CALCRL: variants seen among roughly 807,000 people sequenced by gnomAD.
CALCRL encodes calcitonin receptor like receptor, also known as calcitonin gene-related peptide type 1 receptor.
Under a neutral mutation model 60.4 loss-of-function variants are expected in CALCRL, and 27 were observed. The observed-to-expected ratio is 0.45, with a 90% CI of 0.33 to 0.62. CALCRL has a LOEUF of 0.62. CALCRL is among the 20% of genes least tolerant of loss of function. CALCRL has a pLI of 0.03. For synonymous variants in CALCRL, 190 were observed against 182.6 expected, an observed-to-expected ratio of 1.04 and a Z score of -0.33; for missense variants, 424 against 540.7, an observed-to-expected ratio of 0.78 and a Z score of 2.14.
intron 1 of CALCRL, among the ~76,000 whole-genome samples, chr2:187,401,333 C>T (rs1016614048): frequency 2.0e-5 from 3 of 151,628 alleles, no homozygotes; most frequent in Admixed American, 6.6e-5. Context: ...AAAGAACCTG[C>T]CTAGCTAACA....
intron 1 of CALCRL, among the ~76,000 whole-genome samples, chr2:187,435,353 GAACT>G (rs1447771638): frequency 6.6e-6 from 1 of 152,158 alleles, no homozygotes; most frequent in Non-Finnish European, 1.5e-5. Context: ...GACTTTGTGT[GAACT>G]AACTAAGCGA....
intron 1 of CALCRL, among the ~76,000 whole-genome samples, chr2:187,419,046 T>C (rs1689752173): frequency 9.7e-6 from 1 of 102,870 alleles, no homozygotes; most frequent in African/African-American, 3.6e-5. Flanking sequence ...TTTTTTTTTT[T>C]TGGTATTTTA....
intron 4 of CALCRL, among the ~76,000 whole-genome samples, chr2:187,384,275 A>G (rs1164837578): frequency 1.3e-5 from 2 of 152,216 alleles, no homozygotes; most frequent in Non-Finnish European, 2.9e-5. Flanking sequence ...AGTGCTACAC[A>G]AGTAATACAT....
chr2:187,370,573 ATATT>A (rs1489777349), intron 8 of CALCRL, among the ~76,000 whole-genome samples: 1 of 152,176 alleles, frequency 6.6e-6, no homozygotes, highest in Non-Finnish European at 1.5e-5. Context: ...AAGATATGTG[ATATT>A]TAATGTGGAT....
At chr2:187,394,446 T>G (rs996732312) in intron 1 of CALCRL, among the ~76,000 whole-genome samples, 1 of 152,128 alleles carries the variant, frequency 6.6e-6, no homozygotes, top group Non-Finnish European at 1.5e-5. Flanking sequence ...TTACTAAATT[T>G]ATGGTCATTT....
chr2:187,419,945 T>G (rs1228948551), intron 1 of CALCRL, among the ~76,000 whole-genome samples: 7 of 152,208 alleles, frequency 4.6e-5, no homozygotes, highest in Admixed American at 1.3e-4. Flanking sequence ...CTAATCTTTG[T>G]GGAAGCAGAA....
At position 187,360,742 on chromosome 2, in the gene CALCRL, T is replaced by C. The variant is rs1306174267; in HGVS notation, c.637A>G (p.Lys213Glu). Reference protein sequence around the residue: ...ALVATNPVSCKVSQFIHLYLM... With the variant: ...ALVATNPVSCEVSQFIHLYLM... ...TAAAGATGAATGAACTGGGACACTTTGCAACTAACCTGTGAGGAAAAAAAA... is the reference window on the plus strand; with the variant it reads ...TAAAGATGAATGAACTGGGACACTTCGCAACTAACCTGTGAGGAAAAAAAA... The change falls in exon 10 of 15, where the codon AAA becomes GAA. Residue 213 changes from lysine (K) to glutamate (E), a missense_variant. Around this residue, in one of 7 missense-constraint regions of CALCRL, gnomAD observed 43 missense variants for 40.9 expected, o/e 1.05. Coordinates refer to ENST00000392370, the MANE Select transcript of CALCRL (RefSeq NM_005795.6). 3 of 1,602,368 alleles carry C rather than the reference T, an allele frequency of 1.9e-6. No individual in the cohort carries two copies. The highest frequency in any genetic ancestry group is 2.6e-6 in the Non-Finnish European group (3 of 1,176,224).
intron 12 of CALCRL, 92 bp downstream of exon 12, chr2:187,358,971 C>T (rs1686925261): frequency 1.0e-6 from 1 of 978,490 alleles, no homozygotes; most frequent in Non-Finnish European, 1.7e-6. Context: ...CATCTGTGTC[C>T]ACTGGGACCC....
intron 1 of CALCRL, among the ~76,000 whole-genome samples, chr2:187,421,778 C>G (rs187341425): frequency 1.3e-5 from 2 of 152,294 alleles, no homozygotes; most frequent in African/African-American, 4.8e-5. Flanking sequence ...TGTCTAGAAG[C>G]TCCAAACCAG....
At chr2:187,380,036 A>T (rs1057334676) in intron 7 of CALCRL, among the ~76,000 whole-genome samples, 1 of 152,182 alleles carries the variant, frequency 6.6e-6, no homozygotes, top group African/African-American at 2.4e-5. Flanking sequence ...AGTGCGAATA[A>T]CCTAAGACCC....
At chr2:187,423,501 G>A (rs1689983159) in intron 1 of CALCRL, among the ~76,000 whole-genome samples, 1 of 151,628 alleles carries the variant, frequency 6.6e-6, no homozygotes, top group Non-Finnish European at 1.5e-5. Context: ...GACCTTAATA[G>A]GATATTATTG....
intron 1 of CALCRL, among the ~76,000 whole-genome samples, chr2:187,424,112 G>A (rs1690017582): frequency 6.6e-6 from 1 of 152,028 alleles, no homozygotes; most frequent in African/African-American, 2.4e-5. Flanking sequence ...CCCATCTGGA[G>A]ATAGGTGTCA....
chr2:187,390,513 A>G (rs1194966634), intron 1 of CALCRL, among the ~76,000 whole-genome samples: 1 of 151,750 alleles, frequency 6.6e-6, no homozygotes, highest in East Asian at 1.9e-4. Flanking sequence ...TTTGAAACAC[A>G]TTTCATCCAA....
chr2:187,373,245 T>G (rs1358834119), intron 8 of CALCRL, among the ~76,000 whole-genome samples: 1 of 152,172 alleles, frequency 6.6e-6, no homozygotes, highest in African/African-American at 2.4e-5. Flanking sequence ...TTTATAAAAT[T>G]ATTTTCGTTA....
At chr2:187,400,414 A>G (rs1688840613) in intron 1 of CALCRL, among the ~76,000 whole-genome samples, 1 of 151,496 alleles carries the variant, frequency 6.6e-6, no homozygotes, top group Non-Finnish European at 1.5e-5. Flanking sequence ...GGAAATTATA[A>G]CCACCATATA....
At chr2:187,399,993 T>C in intron 1 of CALCRL, among the ~76,000 whole-genome samples, 1 of 151,402 alleles carries the variant, frequency 6.6e-6, no homozygotes, top group African/African-American at 2.4e-5. Flanking sequence ...AATACAAAAT[T>C]ACAGCTAGAT....
intron 1 of CALCRL, among the ~76,000 whole-genome samples, chr2:187,397,543 G>GT (rs961036415): frequency 2.6e-5 from 4 of 151,338 alleles, no homozygotes; most frequent in Non-Finnish European, 5.9e-5. Flanking sequence ...TTATTTTTTT[G>GT]TTTTTTATTT....
At chr2:187,392,988 G>T (rs1165863101) in intron 1 of CALCRL, among the ~76,000 whole-genome samples, 1 of 152,102 alleles carries the variant, frequency 6.6e-6, no homozygotes, top group Non-Finnish European at 1.5e-5. Context: ...ACATAAAGAA[G>T]CTTTACTTTC....
At chr2:187,447,837 T>G (rs182379022) in intron 1 of CALCRL, among the ~76,000 whole-genome samples, 78 of 152,208 alleles carry the variant, frequency 5.1e-4, no homozygotes, top group African/African-American at 1.8e-3. Flanking sequence ...TAGAATACCA[T>G]GGTAAACAAT....
Sources: gnomAD v4.1 joint callset for allele counts (sites outside exome capture counted in the v4.1 genomes callset) on GRCh38, gnomAD v4.1.1 for gene constraint, gnomAD v4.1.1 regional missense constraint, MANE v1.5 for transcripts, NCBI Gene and HGNC (gene_info 2026-07-23, HGNC 2026-07-21) for gene names.